The following CRPPA variants were observed in gnomAD, a reference collection of about 807,000 sequenced individuals.
CRPPA encodes the protein CDP-L-ribitol pyrophosphorylase A.
CRPPA carries 43 observed loss-of-function variants against 52.0 expected under a neutral mutation model. That is an observed-to-expected ratio of 0.83 (90% CI 0.65 to 1.07). The LOEUF is 1.07. Among genes scored for constraint, CRPPA ranks in the 50% least tolerant of loss-of-function variants. The probability of loss-of-function intolerance (pLI) is 0.00; values close to 1 mark genes in which losing one functional copy is unlikely to be tolerated. For synonymous variants in CRPPA, 250 were observed against 203.5 expected (o/e 1.23, Z -1.94); for missense variants, 629 against 551.7 (o/e 1.14, Z -1.40).
At chr7:16,252,035 G>T (rs188252020) in intron 8 of CRPPA, among the ~76,000 whole-genome samples, 1 of 152,106 alleles carries the variant, frequency 6.6e-6, no homozygotes, top group African/African-American at 2.4e-5. Flanking sequence ...AATAAAAAAT[G>T]ATAGAGAGCA....
intron 2 of CRPPA, among the ~76,000 whole-genome samples, chr7:16,404,639 G>C (rs1165560581): frequency 1.3e-5 from 2 of 151,226 alleles, no homozygotes; most frequent in African/African-American, 4.9e-5. Context: ...AAAAAATTGT[G>C]TATAATATGC....
chr7:16,172,791 G>C (rs1781217726), intron 9 of CRPPA, among the ~76,000 whole-genome samples: 1 of 152,048 alleles, frequency 6.6e-6, no homozygotes, highest in African/African-American at 2.4e-5. Context: ...GGGATCCTGG[G>C]GTGGGATAGA....
intron 2 of CRPPA, among the ~76,000 whole-genome samples, chr7:16,380,425 C>T (rs1228206953): frequency 3.9e-5 from 6 of 152,148 alleles, no homozygotes; most frequent in Admixed American, 1.3e-4. Context: ...CATCAATGTT[C>T]ATCAAGGATA....
At chr7:16,381,136 A>C (rs893578199) in intron 2 of CRPPA, among the ~76,000 whole-genome samples, 55 of 152,208 alleles carry the variant, frequency 3.6e-4, no homozygotes, top group African/African-American at 7.7e-4. Flanking sequence ...TTAGTGCTAT[A>C]AATTTCCCTC....
chr7:16,270,825 G>A (rs1656637671), intron 6 of CRPPA, among the ~76,000 whole-genome samples: 1 of 152,056 alleles, frequency 6.6e-6, no homozygotes, highest in African/African-American at 2.4e-5. Flanking sequence ...AACTGTTTTG[G>A]ATAGGTCTTA....
At chr7:16,195,187 G>GA (rs1433225726) in intron 9 of CRPPA, among the ~76,000 whole-genome samples, 1 of 152,136 alleles carries the variant, frequency 6.6e-6, no homozygotes, top group Non-Finnish European at 1.5e-5. Context: ...GGCATTATCA[G>GA]AAAAGCAGTG....
At chr7:16,255,137 T>C (rs993628406) in intron 8 of CRPPA, among the ~76,000 whole-genome samples, 18 of 152,152 alleles carry the variant, frequency 1.2e-4, no homozygotes, top group African/African-American at 4.3e-4. Context: ...AGCATTCCTA[T>C]ATACCAATAT....
Position 16,386,393 on chromosome 7 carries a change from C to A in CRPPA, c.535-10152G>T, listed in dbSNP as rs576318929. Among the ~76,000 whole-genome samples, 6 of 152,272 alleles carry A rather than the reference C, an allele frequency of 3.9e-5. No individual in the cohort carries two copies. In the East Asian group the frequency reaches 1.2e-3, roughly 29 times the overall value. On this transcript the variant is annotated intron_variant, in intron 2 of 9. Coordinates refer to ENST00000407010, the MANE Select transcript of CRPPA (RefSeq NM_001101426.4). ...AGGGAAGGTGTGGCAGGCCAAAAGG[C>A]AACATTTGGGTGTGAAAACAGGAAA...
Position 16,134,265 on chromosome 7 carries a change from C to T in CRPPA, c.1252-42466G>A, listed in dbSNP as rs1782726377. 1.6e-5 allele frequency among the ~76,000 whole-genome samples: 2 copies of T among 124,986 alleles called. 1 individual carries two copies. The highest frequency in any genetic ancestry group is 1.6e-4 in the Admixed American group (2 of 12,486). 82.0% of individuals were successfully genotyped at this position (124,986 alleles called of 152,430 possible). ...TTCTTCACATCTTTTCCCTAGCTTA[C>T]TTTATTGTAAGAATGCAGTATATAA... On this transcript the variant is annotated intron_variant, in intron 9 of 9. Coordinates refer to ENST00000407010, the MANE Select transcript of CRPPA (RefSeq NM_001101426.4).
chr7:16,299,291 T>G (rs1784739898), intron 5 of CRPPA, among the ~76,000 whole-genome samples: 1 of 152,124 alleles, frequency 6.6e-6, no homozygotes, highest in Non-Finnish European at 1.5e-5. Context: ...AGGGGTAATC[T>G]CAGGTGAGCA....
intron 3 of CRPPA, among the ~76,000 whole-genome samples, chr7:16,351,178 A>T (rs766750721): frequency 6.6e-6 from 1 of 152,180 alleles, no homozygotes; most frequent in Admixed American, 6.5e-5. Context: ...GTATTTAATA[A>T]ATGGTACTGG....
rs988321518 is a variant in CRPPA, at chr7:16,376,351, T to C, written c.535-110A>G. The C allele has an allele frequency of 8.3e-6, 9 of 1,088,004 alleles. No homozygotes were observed. In the South Asian group the frequency reaches 9.2e-5, roughly 11 times the overall value. The allele number at this position is 1,088,004 out of a possible 1,614,324, so 67.4% of individuals were successfully genotyped here. A position where few individuals can be genotyped will look rare whatever the true frequency, so the allele number is the denominator to read the frequency against. ...GATCTTATTCATACCTTCAACAAGCTACCTTAAGAAAACATCTGAGTAAGT... is the reference window on the plus strand; with the variant it reads ...GATCTTATTCATACCTTCAACAAGCCACCTTAAGAAAACATCTGAGTAAGT... On this transcript the variant is annotated intron_variant, in intron 2 of 9. Transcript: ENST00000407010.
intron 9 of CRPPA, among the ~76,000 whole-genome samples, chr7:16,169,499 T>C (rs10255752): frequency 0.034 from 5,134 of 152,300 alleles, 288 homozygotes; most frequent in African/African-American, 0.12. Context: ...GATTGTCCTG[T>C]TTTATCGTTT....
rs896937401 is a variant in CRPPA, at chr7:16,280,556, A to G, written c.836-2330T>C. Among the ~76,000 whole-genome samples the G allele has an allele frequency of 3.3e-5, 5 of 152,354 alleles. No homozygotes were observed. In the East Asian group the frequency reaches 9.6e-4, roughly 29 times the overall value. On this transcript the variant is annotated intron_variant, in intron 5 of 9. Transcript: ENST00000407010. ...ATAAATTTGTAAAATAATGCATAAC[A>G]TTAAGAATAATTTTTAAATACAAAA...
At chr7:16,337,403 A>G (rs1460007097) in intron 3 of CRPPA, among the ~76,000 whole-genome samples, 1 of 152,114 alleles carries the variant, frequency 6.6e-6, no homozygotes, top group African/African-American at 2.4e-5. Flanking sequence ...ATCAAGAAAT[A>G]CCTTAAGACT....
chr7:16,142,041 T>C (rs1205726040), intron 9 of CRPPA, among the ~76,000 whole-genome samples: 1 of 152,094 alleles, frequency 6.6e-6, no homozygotes, highest in Non-Finnish European at 1.5e-5. Flanking sequence ...ACACATTATA[T>C]GTACACGTGA....
At chr7:16,418,350 G>C (rs1788244522) in intron 1 of CRPPA, among the ~76,000 whole-genome samples, 1 of 152,208 alleles carries the variant, frequency 6.6e-6, no homozygotes, top group Non-Finnish European at 1.5e-5. Flanking sequence ...TATCAGTTAA[G>C]TAAAAGTAGA....
chr7:16,299,976 C>T (rs1784758600), intron 5 of CRPPA, among the ~76,000 whole-genome samples: 2 of 152,126 alleles, frequency 1.3e-5, no homozygotes, highest in African/African-American at 4.8e-5. Context: ...GTGAAGAAAC[C>T]AAACTGAGTT....
chr7:16,393,901 G>A lies in CRPPA; in HGVS notation c.534+12160C>T, dbSNP rs372999592. 2.8e-4 allele frequency among the ~76,000 whole-genome samples: 42 copies of A among 152,080 alleles called. No individual in the cohort carries two copies. In the Middle Eastern group the frequency reaches 0.01, roughly 37 times the overall value. On this transcript the variant is annotated intron_variant, in intron 2 of 9. Transcript: ENST00000407010. ...AAATAGGGTAAATTCTTACACAGGC[G>A]TTTCAATAAGAATATTTAAAGCCTA...
Sources: gnomAD v4.1 joint callset for allele counts (sites outside exome capture counted in the v4.1 genomes callset) on GRCh38, gnomAD v4.1.1 for gene constraint, MANE v1.5 for transcripts, NCBI Gene and HGNC (gene_info 2026-07-23, HGNC 2026-07-21) for gene names.